Variants in SMG6 observed in about 807,000 individuals in gnomAD.
The protein encoded by SMG6 is SMG6 nonsense mediated mRNA decay factor, also known as telomerase-binding protein EST1A.
In SMG6, 66 loss-of-function variants were observed where a neutral mutation model predicts 142.2. The observed-to-expected ratio is 0.46, with a 90% CI of 0.38 to 0.57. SMG6 has a LOEUF of 0.57. Ranked by LOEUF, SMG6 falls within the 20% of genes least tolerant of loss-of-function variation. SMG6 has a pLI of 0.00. For missense variants in SMG6, 1,793 were observed against 1,832.0 expected (o/e 0.98, Z 0.39); for synonymous variants, 779 against 702.4 (o/e 1.11, Z -1.72).
intron 13 of SMG6, among the ~76,000 whole-genome samples, chr17:2,150,331 C>T (rs751488935): frequency 8.5e-5 from 13 of 152,236 alleles, no homozygotes; most frequent in South Asian, 8.3e-4. Flanking sequence ...CTGTCTCCCA[C>T]AAAACCAGTT....
intron 8 of SMG6, among the ~76,000 whole-genome samples, chr17:2,245,882 GT>G (rs2073917965): frequency 6.6e-6 from 1 of 151,802 alleles, no homozygotes; most frequent in Non-Finnish European, 1.5e-5. Flanking sequence ...TTCTCAATAC[GT>G]TGCCCAGACT....
chr17:2,211,353 C>T (rs1156461055), intron 10 of SMG6, among the ~76,000 whole-genome samples: 1 of 152,084 alleles, frequency 6.6e-6, no homozygotes, highest in Non-Finnish European at 1.5e-5. Flanking sequence ...CCTTGGCACC[C>T]TAAAGAAAAT....
rs1345261508 is a variant in SMG6, at chr17:2,060,477, C to G, written c.*1015G>C. On this transcript the variant is annotated 3_prime_UTR_variant, in exon 19 of 19. Transcript: ENST00000263073. ...GGGTGGAAGGCCCTGGGTGGGAGACCTGTACTAGGTTCCTGCCATGGGTAG... is the reference window on the plus strand; with the variant it reads ...GGGTGGAAGGCCCTGGGTGGGAGACGTGTACTAGGTTCCTGCCATGGGTAG... 6.6e-6 allele frequency: 1 copy of G among 152,268 alleles called. No homozygotes were observed. Among genetic ancestry groups the G allele is most frequent in the Non-Finnish European group, 1.5e-5 (1 of 68,078 alleles). The allele number at this position is 152,268 out of a possible 1,614,324, so 9.4% of individuals were successfully genotyped here. A position where few individuals can be genotyped will look rare whatever the true frequency, so the allele number is the denominator to read the frequency against.
rs35172468 is a variant in SMG6 at position 2,300,062 on chromosome 17, C to G, written c.691G>C (p.Asp231His). Reference sequence around the variant, plus strand: ...CCCGGCCTCCCGCGGGCTGGGTCGTCGTGGGTTTCCCTCACCCCCTCCCCT... The same window carrying G: ...CCCGGCCTCCCGCGGGCTGGGTCGTGGTGGGTTTCCCTCACCCCCTCCCCT... ...GKGEGVRETHDDPARGRPGSA... is the reference protein window; with the variant it reads ...GKGEGVRETHHDPARGRPGSA... The change falls in exon 2 of 19, where the codon GAC becomes CAC. Residue 231 changes from aspartate (D) to histidine (H), a missense_variant. Physicochemically the swap from Asp to His is moderately conservative, Grantham distance 81 (BLOSUM62 -1). This residue lies in a region of SMG6 where 1,597 missense variants were observed against 1,584.6 expected (regional missense o/e 1.01). Transcript: ENST00000263073. 6,024 of 1,614,174 alleles carry G rather than the reference C, an allele frequency of 3.7e-3. 238 individuals are homozygous for G. In the African/African-American group the frequency reaches 0.072, roughly 19 times the overall value.
At position 2,065,102 on chromosome 17, in the gene SMG6, T is replaced by C; in HGVS notation, c.4100A>G (p.Lys1367Arg). Residue 1367 changes from lysine to arginine, a missense_variant, in exon 18 of 19, where the codon AAG becomes AGG. Physicochemically the swap from Lys to Arg is conservative, Grantham distance 26. This residue lies in a region of SMG6 where 179 missense variants were observed against 212.6 expected (regional missense o/e 0.84). Coordinates refer to ENST00000263073, the MANE Select transcript of SMG6 (RefSeq NM_017575.5). ...LSCCLHYCKD[K>R]AKDFMPASKE... ...GCTGGCGGGCATGAAGTCCTTAGCC[T>C]TGTCTTTGCAGTAGTGGAGGCAGCA... is the stretch of plus-strand genomic sequence containing the variant. 1 of 1,613,894 alleles carries C rather than the reference T, an allele frequency of 6.2e-7. No individual in the cohort carries two copies. Among genetic ancestry groups the C allele is most frequent in the Non-Finnish European group, 8.5e-7 (1 of 1,179,830 alleles).
At chr17:2,158,517 A>C (rs2071076049) in intron 13 of SMG6, among the ~76,000 whole-genome samples, 1 of 152,222 alleles carries the variant, frequency 6.6e-6, no homozygotes. Flanking sequence ...ATATCACAAA[A>C]AATAGCCCAC....
intron 18 of SMG6, chr17:2,062,975 G>A (rs2067827209): frequency 6.5e-6 from 1 of 152,766 alleles, no homozygotes; most frequent in African/African-American, 2.4e-5. Flanking sequence ...GTGGCCTCGG[G>A]TGAGGGGATA....
At chr17:2,119,800 T>TACAGACGCC (rs2069627930) in intron 13 of SMG6, among the ~76,000 whole-genome samples, 1 of 152,198 alleles carries the variant, frequency 6.6e-6, no homozygotes, top group African/African-American at 2.4e-5. Flanking sequence ...TAGATTGGGC[T>TACAGACGCC]ACAGACGCCC....
At chr17:2,150,988 G>T (rs1206626829) in intron 13 of SMG6, among the ~76,000 whole-genome samples, 1 of 152,176 alleles carries the variant, frequency 6.6e-6, no homozygotes, top group East Asian at 1.9e-4. Context: ...AGATGGGTGA[G>T]GCTTCTGTAG....
At chr17:2,244,788 C>T in intron 8 of SMG6, 69 bp from the exon 9 acceptor site, 2 of 1,308,548 alleles carry the variant, frequency 1.5e-6, no homozygotes, top group South Asian at 1.2e-5. Context: ...GAACAGAGTC[C>T]CCAGTGACAC....
At chr17:2,210,753 A>C (rs2072826569) in intron 10 of SMG6, among the ~76,000 whole-genome samples, 1 of 150,718 alleles carries the variant, frequency 6.6e-6, no homozygotes, top group African/African-American at 2.5e-5. Context: ...ACAAAGGCAA[A>C]AGCTTTAAAA....
intron 2 of SMG6, among the ~76,000 whole-genome samples, chr17:2,298,521 C>A (rs1312381240): frequency 1.3e-5 from 2 of 152,036 alleles, no homozygotes; most frequent in Admixed American, 6.6e-5. Flanking sequence ...AGATCGAGAT[C>A]ATCCTGGCTA....
At chr17:2,140,246 A>G (rs1392728216) in intron 13 of SMG6, among the ~76,000 whole-genome samples, 2 of 151,892 alleles carry the variant, frequency 1.3e-5, no homozygotes, top group Non-Finnish European at 2.9e-5. Context: ...TACTTTTAGT[A>G]GAGATGGGGT....
intron 13 of SMG6, among the ~76,000 whole-genome samples, chr17:2,125,848 G>C (rs1345147481): frequency 2.0e-5 from 3 of 151,766 alleles, no homozygotes; most frequent in African/African-American, 4.8e-5. Flanking sequence ...AGGTACTTGG[G>C]AGGCTGAGGC....
Position 2,300,019 on chromosome 17 carries a change from G to A in SMG6, c.734C>T (p.Ser245Phe). Reference sequence around the variant, plus strand: ...GCGATTCCTTCGTTTGTCTGAGCGGGAGTAGCGCTTTGCGGAGCCCGGCCT... The same window carrying A: ...GCGATTCCTTCGTTTGTCTGAGCGGAAGTAGCGCTTTGCGGAGCCCGGCCT... Reference protein sequence around the residue: ...RGRPGSAKRYSRSDKRRNRYR... With the variant: ...RGRPGSAKRYFRSDKRRNRYR... Residue 245 changes from serine (S) to phenylalanine (F), a missense_variant, in exon 2 of 19, where the codon TCC becomes TTC. Physicochemically the swap from Ser to Phe is radical, Grantham distance 155. Transcript: ENST00000263073. 6.2e-7 allele frequency: 1 copy of A among 1,614,176 alleles called. No individual in the cohort carries two copies. Among genetic ancestry groups the A allele is most frequent in the Non-Finnish European group, 8.5e-7 (1 of 1,180,046 alleles).
chr17:2,192,968 A>C (rs775642273), intron 10 of SMG6, among the ~76,000 whole-genome samples: 1 of 152,256 alleles, frequency 6.6e-6, no homozygotes, highest in Non-Finnish European at 1.5e-5. Flanking sequence ...AATACACCCA[A>C]GCAAATTATT....
chr17:2,129,118 C>A (rs1055226833), intron 13 of SMG6, among the ~76,000 whole-genome samples: 1 of 152,042 alleles, frequency 6.6e-6, no homozygotes, highest in Non-Finnish European at 1.5e-5. Flanking sequence ...GAAGCCAAGG[C>A]AGGCGGATCG....
intron 4 of SMG6, 42 bp from the exon 5 acceptor site, chr17:2,293,019 C>G (rs1362546054): frequency 7.3e-7 from 1 of 1,373,352 alleles, no homozygotes; most frequent in Non-Finnish European, 1.0e-6. Flanking sequence ...CCAAGAAACA[C>G]TAACTTCAAC....
chr17:2,226,052 G>C (rs2073306329), intron 10 of SMG6, among the ~76,000 whole-genome samples: 1 of 152,090 alleles, frequency 6.6e-6, no homozygotes, highest in Non-Finnish European at 1.5e-5. Context: ...GAGGCAGGCG[G>C]ATCGCCTGAG....
Sources: gnomAD v4.1 joint callset for allele counts (sites outside exome capture counted in the v4.1 genomes callset) on GRCh38, gnomAD v4.1.1 for gene constraint, gnomAD v4.1.1 regional missense constraint, MANE v1.5 for transcripts, NCBI Gene and HGNC (gene_info 2026-07-23, HGNC 2026-07-21) for gene names.